ANO10: variants seen among roughly 807,000 people sequenced by gnomAD.
The protein encoded by ANO10 is anoctamin 10.
Under a neutral mutation model 74.7 loss-of-function variants are expected in ANO10, and 77 were observed. The ratio of observed to expected loss-of-function variants is 1.03; its 90% CI spans 0.86 to 1.25. The LOEUF (loss-of-function observed/expected upper bound fraction) is 1.25. Ranked by LOEUF, ANO10 falls within the 50% of genes most tolerant of loss-of-function variation. The pLI, the probability that ANO10 is intolerant of heterozygous loss-of-function variation, is 0.00. For missense variants in ANO10, 721 were observed against 778.1 expected, an observed-to-expected ratio of 0.93 and a Z score of 0.87; for synonymous variants, 279 against 284.9, an observed-to-expected ratio of 0.98 and a Z score of 0.21.
At chr3:43,440,155 TA>T (rs2093137474) in intron 11 of ANO10, among the ~76,000 whole-genome samples, 1 of 151,978 alleles carries the variant, frequency 6.6e-6, no homozygotes, top group Non-Finnish European at 1.5e-5. Context: ...TTACAAGACA[TA>T]CTGAAAGCAA....
chr3:43,596,682 C>T (rs143777674), intron 4 of ANO10, among the ~76,000 whole-genome samples: 1 of 152,130 alleles, frequency 6.6e-6, no homozygotes, highest in African/African-American at 2.4e-5. Flanking sequence ...CTAGGCAATA[C>T]CATTCAGGAC....
intron 11 of ANO10, among the ~76,000 whole-genome samples, chr3:43,509,457 A>T (rs1277131757): frequency 6.6e-6 from 1 of 152,252 alleles, no homozygotes; most frequent in South Asian, 2.1e-4. Flanking sequence ...GTTCAGCATC[A>T]TTAGCCATCA....
chr3:43,512,484 G>A (rs533086242), intron 11 of ANO10, among the ~76,000 whole-genome samples: 64 of 152,302 alleles, frequency 4.2e-4, no homozygotes, highest in Non-Finnish European at 7.2e-4. Flanking sequence ...GAGGCACAGA[G>A]AGACTCAGTA....
In ANO10 at chr3:43,549,785, G is replaced by T; in HGVS notation, c.1732C>A (p.Pro578Thr). The T allele has an allele frequency of 6.2e-7, 1 of 1,613,946 alleles. No homozygotes were observed. Residue 578 changes from proline to threonine, a missense_variant, in exon 11 of 13, where the codon CCA becomes ACA. Physicochemically the swap from Pro to Thr is conservative, Grantham distance 38 (BLOSUM62 -1). Transcript: ENST00000292246. Reference protein sequence around the residue: ...VTNCALIGMSPQVNAVFPESK... With the variant: ...VTNCALIGMSTQVNAVFPESK... ...TCTGGAAAGACTGCATTCACTTGTG[G>T]TGACATTCCAATCAGCGCACAGTTA...
intron 1 of ANO10, among the ~76,000 whole-genome samples, chr3:43,656,993 A>C (rs1463889921): frequency 4.6e-5 from 7 of 152,364 alleles, no homozygotes; most frequent in Admixed American, 2.6e-4. Context: ...ACCTCTCAAA[A>C]GCATTTAAAT....
At chr3:43,438,499 T>C (rs984916169) in intron 11 of ANO10, among the ~76,000 whole-genome samples, 1 of 151,276 alleles carries the variant, frequency 6.6e-6, no homozygotes, top group African/African-American at 2.4e-5. Context: ...AATCCCACTA[T>C]TTTGGAAGGC....
intron 11 of ANO10, among the ~76,000 whole-genome samples, chr3:43,450,010 T>C (rs2074786923): frequency 2.6e-5 from 4 of 152,216 alleles, no homozygotes; most frequent in Admixed American, 2.0e-4. Context: ...TCTTTTTAGA[T>C]TTACACCTAA....
At chr3:43,485,335 G>A (rs992530765) in intron 11 of ANO10, 2 of 511,880 alleles carry the variant, frequency 3.9e-6, no homozygotes, top group Non-Finnish European at 7.1e-6. Context: ...CAGGGTGTCC[G>A]CTGTGCTCCC....
chr3:43,486,683 T>C (rs1036990193), intron 11 of ANO10, among the ~76,000 whole-genome samples: 2 of 148,520 alleles, frequency 1.3e-5, no homozygotes, highest in Non-Finnish European at 3.0e-5. Flanking sequence ...AAGTTGCTTA[T>C]CAGCTTAAGG....
intron 11 of ANO10, among the ~76,000 whole-genome samples, chr3:43,492,793 G>A (rs1313174579): frequency 2.6e-5 from 4 of 152,258 alleles, no homozygotes; most frequent in South Asian, 4.1e-4. Flanking sequence ...AACAACAGAT[G>A]CTGGACAGCC....
At chr3:43,510,053 G>C (rs67486681) in intron 11 of ANO10, among the ~76,000 whole-genome samples, 19,582 of 152,112 alleles carry the variant, frequency 0.13, 1,757 homozygotes, top group Non-Finnish European at 0.2. Context: ...ATTGGGGTGG[G>C]TGAGGGGTCC....
intron 1 of ANO10, among the ~76,000 whole-genome samples, chr3:43,681,333 G>C (rs1024749071): frequency 3.9e-5 from 6 of 151,966 alleles, no homozygotes; most frequent in Non-Finnish European, 7.4e-5. Context: ...AGACAAAGAA[G>C]GCCATTACAT....
chr3:43,581,723 C>T (rs2081268048), intron 4 of ANO10, among the ~76,000 whole-genome samples: 1 of 151,890 alleles, frequency 6.6e-6, no homozygotes, highest in South Asian at 2.1e-4. Flanking sequence ...AGTTCAAAAC[C>T]AGCCCAGGTA....
intron 1 of ANO10, among the ~76,000 whole-genome samples, chr3:43,664,150 C>T (rs1270886332): frequency 2.0e-5 from 3 of 151,886 alleles, no homozygotes; most frequent in African/African-American, 7.3e-5. Context: ...GCTACAGTAA[C>T]CAAAACAGCA....
intron 9 of ANO10, 132 bp downstream of exon 9, chr3:43,561,088 T>G: frequency 9.6e-7 from 1 of 1,037,562 alleles, no homozygotes; most frequent in Non-Finnish European, 1.5e-6. Context: ...TGGTTCATGA[T>G]GAGGAAACTG....
At chr3:43,502,967 G>A (rs2077153693) in intron 11 of ANO10, among the ~76,000 whole-genome samples, 1 of 152,192 alleles carries the variant, frequency 6.6e-6, no homozygotes, top group Non-Finnish European at 1.5e-5. Context: ...TGGGTATAGA[G>A]TTTCTGTTTT....
At chr3:43,494,526 C>A (rs2076846454) in intron 11 of ANO10, among the ~76,000 whole-genome samples, 1 of 152,144 alleles carries the variant, frequency 6.6e-6, no homozygotes, top group African/African-American at 2.4e-5. Context: ...ACATTATCCT[C>A]ATTTGCAGCT....
At position 43,630,936 on chromosome 3, in the gene ANO10, G is replaced by A. The variant is rs575333402; in HGVS notation, c.-11-25073C>T. On this transcript the variant is annotated intron_variant, in intron 1 of 3. Coordinates refer to the ANO10 transcript ENST00000413397. ...AAGTGCTACCAGCTCGTGTTTGATCGGTTGTCTCACTTTCCCTCACGTGAG... is the reference window on the plus strand; with the variant it reads ...AAGTGCTACCAGCTCGTGTTTGATCAGTTGTCTCACTTTCCCTCACGTGAG... Among the ~76,000 whole-genome samples the A allele has an allele frequency of 5.9e-5, 9 of 151,820 alleles. No homozygotes were observed. In the South Asian group the frequency reaches 1.9e-3, roughly 32 times the overall value.
chr3:43,422,782 G>C (rs2092838649), intron 12 of ANO10, among the ~76,000 whole-genome samples: 1 of 152,210 alleles, frequency 6.6e-6, no homozygotes, highest in African/African-American at 2.4e-5. Flanking sequence ...TTTACAGTTT[G>C]CTTAGCAAAC....
Sources: allele counts gnomAD v4.1 joint callset (sites outside exome capture counted in the v4.1 genomes callset), GRCh38; gene constraint gnomAD v4.1.1; transcripts MANE v1.5; gene names NCBI Gene and HGNC (gene_info 2026-07-23, HGNC 2026-07-21).